Variants in CBFB observed in about 807,000 individuals in gnomAD.
CBFB encodes core-binding factor subunit beta, also known as CBF-beta.
In CBFB, 9 loss-of-function variants were observed where a neutral mutation model predicts 30.4. The observed-to-expected ratio is 0.30, with a 90% confidence interval of 0.18 to 0.52. The LOEUF (loss-of-function observed/expected upper bound fraction) is 0.52, where lower values mean the gene tolerates loss of function less well. Ranked by LOEUF, CBFB falls within the 20% of genes least tolerant of loss-of-function variation. CBFB has a pLI of 0.97. For missense variants in CBFB, 170 were observed against 244.0 expected, an observed-to-expected ratio of 0.70 and a Z score of 2.02; for synonymous variants, 94 against 84.0, an observed-to-expected ratio of 1.12 and a Z score of -0.65.
chr16:67,066,831 C>A lies in CBFB; in HGVS notation c.399+33C>A. The A allele has an allele frequency of 1.7e-6, 2 of 1,199,580 alleles. No homozygotes were observed. The highest frequency in any genetic ancestry group is 1.2e-5 in the South Asian group (1 of 81,094). The allele number at this position is 1,199,580 out of a possible 1,614,324, so 74.3% of individuals were successfully genotyped here. ...AACATCAGGCTTTATTGAGCATGGT[C>A]CCTTTAGTCCCTAATCTTGCCTTTG... On this transcript the variant is annotated intron_variant, in intron 4 of 5. Coordinates refer to ENST00000412916, the MANE Select transcript of CBFB (RefSeq NM_022845.3).
At chr16:67,035,962 A>G (rs957359158) in intron 2 of CBFB, among the ~76,000 whole-genome samples, 3 of 152,194 alleles carry the variant, frequency 2.0e-5, no homozygotes, top group African/African-American at 7.2e-5. Flanking sequence ...GTTGAGCTCT[A>G]ACATCCAAAT....
chr16:67,030,511 A>G (rs994627099), intron 2 of CBFB, among the ~76,000 whole-genome samples: 8 of 152,012 alleles, frequency 5.3e-5, no homozygotes, highest in African/African-American at 1.2e-4. Context: ...AAAAAATCCA[A>G]GGGTCCTAGT....
At chr16:67,042,924 C>G (rs865795633) in intron 3 of CBFB, among the ~76,000 whole-genome samples, 12 of 152,150 alleles carry the variant, frequency 7.9e-5, no homozygotes, top group Middle Eastern at 3.4e-3. Context: ...TTAGTAGAGA[C>G]AGGGTTTCAC....
chr16:67,070,585 C>T (rs1477332146), intron 4 of CBFB, among the ~76,000 whole-genome samples: 1 of 151,978 alleles, frequency 6.6e-6, no homozygotes, highest in Admixed American at 6.6e-5. Flanking sequence ...TGCAGTGGCT[C>T]ACGCTTGTAA....
chr16:67,088,395 T>C (rs1056607827), intron 5 of CBFB, among the ~76,000 whole-genome samples: 8 of 152,156 alleles, frequency 5.3e-5, no homozygotes, highest in African/African-American at 1.9e-4. Flanking sequence ...AATCTAACAT[T>C]ATTACAGTTG....
At chr16:67,034,721 G>C (rs879654035) in intron 2 of CBFB, among the ~76,000 whole-genome samples, 1 of 152,180 alleles carries the variant, frequency 6.6e-6, no homozygotes, top group Non-Finnish European at 1.5e-5. Flanking sequence ...GGAGGTGGAA[G>C]GATTTGCTAC....
intron 5 of CBFB, among the ~76,000 whole-genome samples, chr16:67,097,503 C>T (rs1229007318): frequency 2.0e-5 from 3 of 150,860 alleles, no homozygotes; most frequent in African/African-American, 4.9e-5. Context: ...TAAGATTGCG[C>T]CACTGCACTC....
At chr16:67,029,627 C>T in intron 1 of CBFB, 100 bp from the exon 2 acceptor site, 2 of 1,332,964 alleles carry the variant, frequency 1.5e-6, no homozygotes, top group African/African-American at 1.5e-5. Flanking sequence ...GGCCATCGCC[C>T]GCAGCCTCTG....
At chr16:67,038,756 A>G (rs546141405) in intron 3 of CBFB, among the ~76,000 whole-genome samples, 1 of 152,032 alleles carries the variant, frequency 6.6e-6, no homozygotes, top group Non-Finnish European at 1.5e-5. Flanking sequence ...ATGGTAGCTC[A>G]GATACTAAAG....
In CBFB at chr16:67,052,367, C is replaced by T. The variant is rs551866569; in HGVS notation, c.283-14315C>T. Among the ~76,000 whole-genome samples, 11 of 152,094 alleles carry T rather than the reference C, an allele frequency of 7.2e-5. No individual in the cohort carries two copies. In the South Asian group the frequency reaches 8.3e-4, roughly 11 times the overall value. On this transcript the variant is annotated intron_variant, in intron 3 of 5. Coordinates refer to ENST00000412916, the MANE Select transcript of CBFB (RefSeq NM_022845.3). ...GGAAGATTGCATGAAGCCAGGAGTC[C>T]GAGACCAGCCTGGTCAACATAGTGA...
At chr16:67,070,940 C>G (rs1961206444) in intron 4 of CBFB, among the ~76,000 whole-genome samples, 1 of 152,106 alleles carries the variant, frequency 6.6e-6, no homozygotes, top group African/African-American at 2.4e-5. Context: ...GTTTTCCAAG[C>G]CTTATTTCCA....
chr16:67,035,609 A>G (rs1597121985), intron 2 of CBFB, among the ~76,000 whole-genome samples: 2 of 152,290 alleles, frequency 1.3e-5, no homozygotes, highest in East Asian at 1.9e-4. Context: ...CATCAGGGGA[A>G]CTATTGGATA....
chr16:67,067,376 G>GGC (rs1319965916), intron 4 of CBFB, among the ~76,000 whole-genome samples: 9 of 152,112 alleles, frequency 5.9e-5, no homozygotes, highest in Admixed American at 5.9e-4. Flanking sequence ...AAATTAGCCA[G>GGC]GCATGGTGGT....
At chr16:67,046,843 A>G (rs1183193343) in intron 3 of CBFB, among the ~76,000 whole-genome samples, 8 of 152,168 alleles carry the variant, frequency 5.3e-5, no homozygotes, top group Admixed American at 2.6e-4. Flanking sequence ...TGTACAGAGG[A>G]TTGGAAGCTA....
At chr16:67,087,093 A>G (rs1961753645) in intron 5 of CBFB, among the ~76,000 whole-genome samples, 1 of 152,188 alleles carries the variant, frequency 6.6e-6, no homozygotes, top group Non-Finnish European at 1.5e-5. Context: ...GTGATTGGTC[A>G]GTATTTCTGG....
intron 3 of CBFB, among the ~76,000 whole-genome samples, chr16:67,064,568 G>T (rs1297563396): frequency 6.6e-6 from 1 of 152,140 alleles, no homozygotes; most frequent in African/African-American, 2.4e-5. Context: ...GAAGATTGTA[G>T]AAACTGTAAT....
At chr16:67,071,214 T>TG (rs1567617436) in intron 4 of CBFB, among the ~76,000 whole-genome samples, 1 of 152,190 alleles carries the variant, frequency 6.6e-6, no homozygotes, top group African/African-American at 2.4e-5. Flanking sequence ...AGTCGTATAA[T>TG]GTGAATCCTG....
At chr16:67,084,655 C>G (rs1377346446) in intron 5 of CBFB, among the ~76,000 whole-genome samples, 7 of 152,124 alleles carry the variant, frequency 4.6e-5, no homozygotes, top group African/African-American at 1.7e-4. Flanking sequence ...TATTTCACCA[C>G]TTTTTTTAAG....
At chr16:67,082,101 G>A (rs2145770904) in intron 4 of CBFB, 112 bp from the exon 5 acceptor site, 2 of 785,478 alleles carry the variant, frequency 2.5e-6, no homozygotes, top group Non-Finnish European at 1.9e-6. Context: ...TTACAGGCGT[G>A]AGCCACTGCG....
Sources: allele counts gnomAD v4.1 joint callset (sites outside exome capture counted in the v4.1 genomes callset), GRCh38; gene constraint gnomAD v4.1.1; transcripts MANE v1.5; gene names NCBI Gene and HGNC (gene_info 2026-07-23, HGNC 2026-07-21).